The following CCDC171 variants were observed in gnomAD, a reference collection of about 807,000 sequenced individuals.
The protein encoded by CCDC171 is coiled-coil domain-containing protein 171.
A neutral mutation model predicts 168.2 loss-of-function variants in CCDC171; 177 were observed. The ratio of observed to expected loss-of-function variants is 1.05; its 90% CI spans 0.93 to 1.19. The LOEUF is 1.19. CCDC171 is among the 50% of genes most tolerant of loss of function. The probability of loss-of-function intolerance (pLI) is 0.00; values close to 1 mark genes in which losing one functional copy is unlikely to be tolerated. For missense variants in CCDC171, 1,991 were observed against 1,539.0 expected, an observed-to-expected ratio of 1.29 and a Z score of -4.91; for synonymous variants, 687 against 540.8, an observed-to-expected ratio of 1.27 and a Z score of -3.75.
chr9:15,964,685 G>T (rs938505393), intron 25 of CCDC171, among the ~76,000 whole-genome samples: 1 of 152,150 alleles, frequency 6.6e-6, no homozygotes, highest in African/African-American at 2.4e-5. Context: ...AAGAAAATGG[G>T]ACATATTGTC....
intron 3 of CCDC171, among the ~76,000 whole-genome samples, chr9:16,008,379 T>C (rs1384653424): frequency 1.8e-4 from 28 of 152,092 alleles, no homozygotes; most frequent in East Asian, 1.9e-4. Context: ...AGGTTTCTTC[T>C]TAAGATCTCA....
At chr9:15,600,733 G>A (rs1344357328) in intron 6 of CCDC171, among the ~76,000 whole-genome samples, 2 of 152,218 alleles carry the variant, frequency 1.3e-5, no homozygotes, top group African/African-American at 2.4e-5. Flanking sequence ...TGCCCCCAGA[G>A]GTGGAGTCTA....
intron 9 of CCDC171, among the ~76,000 whole-genome samples, chr9:15,674,680 T>G (rs1233694835): frequency 1.3e-5 from 2 of 152,216 alleles, no homozygotes; most frequent in Admixed American, 6.5e-5. Flanking sequence ...TTGAGTGAGT[T>G]TCTTAATCCT....
At chr9:15,710,168 T>C (rs889494614) in intron 11 of CCDC171, among the ~76,000 whole-genome samples, 9 of 152,226 alleles carry the variant, frequency 5.9e-5, no homozygotes, top group Non-Finnish European at 2.9e-5. Flanking sequence ...AAAAATTTCT[T>C]AGTGTCATAA....
chr9:15,946,598 A>G (rs559461134), intron 25 of CCDC171, among the ~76,000 whole-genome samples: 2 of 152,200 alleles, frequency 1.3e-5, no homozygotes, highest in African/African-American at 2.4e-5. Context: ...ATACTGCCCA[A>G]GGTAATTTCT....
At chr9:15,847,991 C>T (rs1717539754) in intron 22 of CCDC171, among the ~76,000 whole-genome samples, 1 of 151,952 alleles carries the variant, frequency 6.6e-6, no homozygotes, top group South Asian at 2.1e-4. Flanking sequence ...TTGACTAAAT[C>T]AGTTTTTGTT....
In CCDC171 at chr9:15,695,325, CA is replaced by C; in HGVS notation, c.1307del (p.Gln436ArgfsTer23). On this transcript the variant is annotated frameshift_variant, in exon 11 of 26. Transcript: ENST00000380701. LOFTEE classifies it high-confidence loss of function. ...CTTGGACAGCTTTACTGTGTCGGGC[CA>C]GTGGACATCAGGTTAGTTGAAGGTA... Reference protein sequence around the residue: ...SILDSFTVSGQWTSGIHKDKD... With the variant: ...SILDSFTVSGXWTSGIHKDKD... 6.2e-7 allele frequency: 1 copy of C among 1,612,816 alleles called. No individual in the cohort carries two copies. The highest frequency in any genetic ancestry group is 1.3e-5 in the African/African-American group (1 of 74,990).
chr9:15,843,984 A>G (rs1180272057), intron 21 of CCDC171, among the ~76,000 whole-genome samples: 2 of 152,100 alleles, frequency 1.3e-5, no homozygotes, highest in African/African-American at 4.8e-5. Flanking sequence ...GAGTTCTCCA[A>G]GTAATTAGAG....
intron 5 of CCDC171, among the ~76,000 whole-genome samples, chr9:15,593,148 A>C (rs1002232948): frequency 6.6e-6 from 1 of 152,068 alleles, no homozygotes; most frequent in Non-Finnish European, 1.5e-5. Flanking sequence ...AAAAAGCCTC[A>C]AGGCTCTTTG....
intron 25 of CCDC171, among the ~76,000 whole-genome samples, chr9:15,941,791 T>C (rs1427109394): frequency 1.3e-5 from 2 of 151,958 alleles, no homozygotes; most frequent in Admixed American, 6.6e-5. Context: ...ACAATTCATT[T>C]TTAAGCATAA....
chr9:15,664,811 G>T (rs7030846), intron 8 of CCDC171, among the ~76,000 whole-genome samples: 68,373 of 148,868 alleles, frequency 0.46, 15,871 homozygotes, highest in Non-Finnish European at 0.51. Context: ...TGATTCTCCT[G>T]CCTCAGCCTC....
intron 6 of CCDC171, among the ~76,000 whole-genome samples, chr9:15,598,612 G>T (rs1163756678): frequency 1.3e-5 from 2 of 152,138 alleles, no homozygotes; most frequent in Non-Finnish European, 1.5e-5. Flanking sequence ...GTGCTGAAAA[G>T]AATTTGTATT....
intron 11 of CCDC171, among the ~76,000 whole-genome samples, chr9:15,718,329 T>G (rs1332155097): frequency 3.3e-5 from 5 of 152,152 alleles, no homozygotes; most frequent in African/African-American, 1.2e-4. Context: ...CCAGGTAGAT[T>G]CCTAAGGTTT....
chr9:15,937,471 A>G (rs549216319), intron 25 of CCDC171, among the ~76,000 whole-genome samples: 28 of 152,098 alleles, frequency 1.8e-4, no homozygotes, highest in South Asian at 4.1e-4. Flanking sequence ...TTTCTATACA[A>G]TTGTCACTGG....
At chr9:15,691,563 T>TAC (rs2050795924) in intron 10 of CCDC171, among the ~76,000 whole-genome samples, 1 of 145,094 alleles carries the variant, frequency 6.9e-6, no homozygotes, top group Non-Finnish European at 1.5e-5. Flanking sequence ...TATATATATA[T>TAC]ATATATATGT....
intron 4 of CCDC171, among the ~76,000 whole-genome samples, chr9:15,587,295 G>T (rs1200444212): frequency 6.6e-6 from 1 of 152,216 alleles, no homozygotes; most frequent in Non-Finnish European, 1.5e-5. Context: ...GAGGGACCCA[G>T]TGGGAGATGA....
intron 6 of CCDC171, among the ~76,000 whole-genome samples, chr9:16,023,470 C>T (rs572816935): frequency 2.6e-5 from 4 of 152,156 alleles, no homozygotes; most frequent in South Asian, 4.2e-4. Context: ...TGAACATTGC[C>T]GCACTGACTT....
At chr9:15,583,059 C>T (rs1347927395) in intron 4 of CCDC171, among the ~76,000 whole-genome samples, 1 of 152,056 alleles carries the variant, frequency 6.6e-6, no homozygotes, top group Non-Finnish European at 1.5e-5. Context: ...TACAGCAGCA[C>T]AATTCACAAT....
rs1035954100 is a variant in CCDC171 at position 15,744,719 on chromosome 9, A to G, written c.2496A>G (p.Lys832=). The part of the protein sequence containing the change: ...ASLFTWMESF[K]EGIGMLVCTG... Reference sequence around the variant, plus strand: ...TTTTTACCTGGATGGAGAGTTTCAAAGAAGGCATAGGCATGTTAGTGTGCA... The same window carrying G: ...TTTTTACCTGGATGGAGAGTTTCAAGGAAGGCATAGGCATGTTAGTGTGCA... Residue 832 remains lysine (K), a synonymous_variant, in exon 17 of 26, where the codon AAA becomes AAG. Transcript: ENST00000380701. 1 of 1,614,126 alleles carries G rather than the reference A, an allele frequency of 6.2e-7. No individual in the cohort carries two copies. Among genetic ancestry groups the G allele is most frequent in the East Asian group, 2.2e-5 (1 of 44,878 alleles).
Sources: allele counts gnomAD v4.1 joint callset (sites outside exome capture counted in the v4.1 genomes callset), GRCh38; gene constraint gnomAD v4.1.1; transcripts MANE v1.5; gene names NCBI Gene and HGNC (gene_info 2026-07-23, HGNC 2026-07-21).